The following PAPPA2 variants were observed in gnomAD, a reference collection of about 807,000 sequenced individuals.
PAPPA2 encodes the protein pappalysin-2.
In PAPPA2, 86 loss-of-function variants were observed where a neutral mutation model predicts 176.4. That is an observed-to-expected ratio of 0.49 (90% confidence interval 0.41 to 0.58). The LOEUF is 0.58. Ranked by LOEUF, PAPPA2 falls within the 20% of genes least tolerant of loss-of-function variation. PAPPA2 has a pLI of 0.00. For synonymous variants in PAPPA2, 809 were observed against 852.2 expected, an observed-to-expected ratio of 0.95 and a Z score of 0.88; for missense variants, 2,073 against 2,256.9, an observed-to-expected ratio of 0.92 and a Z score of 1.65.
chr1:176,830,416 G>GT (rs1440491227), intron 21 of PAPPA2, among the ~76,000 whole-genome samples: 1 of 152,136 alleles, frequency 6.6e-6, no homozygotes, highest in Non-Finnish European at 1.5e-5. Flanking sequence ...GATGCACAGG[G>GT]TTTATTGCTG....
At chr1:176,827,990 T>G (rs1666922854) in intron 21 of PAPPA2, among the ~76,000 whole-genome samples, 1 of 152,084 alleles carries the variant, frequency 6.6e-6, no homozygotes, top group Non-Finnish European at 1.5e-5. Flanking sequence ...GGTGGCTGCC[T>G]CATTCTCATA....
intron 3 of PAPPA2, among the ~76,000 whole-genome samples, chr1:176,649,652 A>G (rs1237830612): frequency 2.0e-5 from 3 of 151,328 alleles, no homozygotes; most frequent in African/African-American, 4.8e-5. Flanking sequence ...AAATTTCTTC[A>G]TTGATGTAAT....
intron 5 of PAPPA2, chr1:176,691,158 A>C: frequency 4.1e-6 from 4 of 984,364 alleles, no homozygotes; most frequent in Non-Finnish European, 4.8e-6. Flanking sequence ...GTTTCCTATA[A>C]TGGACTCAAA....
chr1:176,691,143 G>A (rs1395717795), intron 5 of PAPPA2: 1 of 984,790 alleles, frequency 1.0e-6, no homozygotes. Context: ...AAGTAATAGT[G>A]ACTGGTTTCC....
At chr1:176,474,349 C>G (rs1017648135) in intron 1 of PAPPA2, among the ~76,000 whole-genome samples, 4 of 152,160 alleles carry the variant, frequency 2.6e-5, no homozygotes, top group Non-Finnish European at 4.4e-5. Context: ...CTCAAGAGTT[C>G]CACATTGACC....
intron 21 of PAPPA2, among the ~76,000 whole-genome samples, chr1:176,803,120 C>T (rs1665752905): frequency 6.6e-6 from 1 of 152,032 alleles, no homozygotes; most frequent in African/African-American, 2.4e-5. Flanking sequence ...TGCATATGGG[C>T]AAGGAATGGC....
chr1:176,533,763 A>AT (rs1254446188), intron 1 of PAPPA2, among the ~76,000 whole-genome samples: 2 of 152,180 alleles, frequency 1.3e-5, no homozygotes, highest in Non-Finnish European at 2.9e-5. Flanking sequence ...CGATTCAGCA[A>AT]TTTTAACAAG....
At chr1:176,659,322 C>T (rs768301527) in intron 3 of PAPPA2, among the ~76,000 whole-genome samples, 16 of 151,998 alleles carry the variant, frequency 1.1e-4, no homozygotes, top group Non-Finnish European at 2.1e-4. Context: ...TCCCAGGCTC[C>T]GCTCCTAGCT....
At chr1:176,820,136 A>G (rs1032330871) in intron 21 of PAPPA2, among the ~76,000 whole-genome samples, 6 of 152,170 alleles carry the variant, frequency 3.9e-5, no homozygotes, top group Non-Finnish European at 8.8e-5. Flanking sequence ...AACTAAAAAC[A>G]AAACAAAACA....
Position 176,842,507 on chromosome 1 carries a change from G to A in PAPPA2, c.*53G>A. On this transcript the variant is annotated 3_prime_UTR_variant, in exon 23 of 23. Coordinates refer to ENST00000367662, the MANE Select transcript of PAPPA2 (RefSeq NM_020318.3). ...GCCTCAGAGGCAGTAAGAAAGAGAG[G>A]CCGACCCAGGAGGAAACAAAGGGTG... 6.7e-7 allele frequency: 1 copy of A among 1,501,368 alleles called. No homozygotes were observed. The highest frequency in any genetic ancestry group is 1.1e-5 in the South Asian group (1 of 88,004). The allele number at this position is 1,501,368 out of a possible 1,614,324, so 93.0% of individuals were successfully genotyped here.
intron 3 of PAPPA2, among the ~76,000 whole-genome samples, chr1:176,626,599 G>A (rs780147368): frequency 6.6e-6 from 1 of 152,166 alleles, no homozygotes; most frequent in Admixed American, 6.5e-5. Flanking sequence ...CATTTAAAAT[G>A]ACTGGGTTAA....
chr1:176,773,926 G>A (rs756584431), intron 17 of PAPPA2, among the ~76,000 whole-genome samples: 12 of 152,270 alleles, frequency 7.9e-5, no homozygotes, highest in Non-Finnish European at 5.9e-5. Context: ...GGATGGCACG[G>A]ATGGCATATT....
intron 1 of PAPPA2, among the ~76,000 whole-genome samples, chr1:176,527,464 G>A (rs1237787164): frequency 6.6e-6 from 1 of 152,184 alleles, no homozygotes. Flanking sequence ...TAGATAGAAT[G>A]TAAGTTCCAT....
chr1:176,697,863 A>T lies in PAPPA2; in HGVS notation c.2747-1237A>T, dbSNP rs558211509. ...TCTTGTTCACTCCTCTATCTCTAAT[A>T]CCTAGATTAGTTCTTGGTGTAAAAG... On this transcript the variant is annotated intron_variant, in intron 7 of 22. Coordinates refer to ENST00000367662, the MANE Select transcript of PAPPA2 (RefSeq NM_020318.3). Among the ~76,000 whole-genome samples, 7 of 152,232 alleles carry T rather than the reference A, an allele frequency of 4.6e-5. No homozygotes were observed. In the East Asian group the frequency reaches 1.4e-3, roughly 29 times the overall value.
chr1:176,503,067 C>T (rs1368895738), intron 1 of PAPPA2, among the ~76,000 whole-genome samples: 1 of 152,110 alleles, frequency 6.6e-6, no homozygotes, highest in African/African-American at 2.4e-5. Context: ...TGGGGTAGGT[C>T]TCACTTTTAC....
At chr1:176,748,975 A>T (rs1376793706) in intron 14 of PAPPA2, among the ~76,000 whole-genome samples, 1 of 152,240 alleles carries the variant, frequency 6.6e-6, no homozygotes, top group Admixed American at 6.5e-5. Flanking sequence ...AAAAACACAA[A>T]AATTAAAAAG....
At chr1:176,663,326 C>G in intron 3 of PAPPA2, among the ~76,000 whole-genome samples, 1 of 152,116 alleles carries the variant, frequency 6.6e-6, no homozygotes, top group East Asian at 1.9e-4. Context: ...TTCTGTTGCT[C>G]CTTTTAAGCA....
intron 17 of PAPPA2, among the ~76,000 whole-genome samples, chr1:176,783,628 C>A (rs572499059): frequency 2.0e-5 from 3 of 152,254 alleles, no homozygotes; most frequent in African/African-American, 7.2e-5. Context: ...TAAATACAAA[C>A]CTTCCCCTAA....
At chr1:176,559,074 C>G (rs1165757125) in intron 2 of PAPPA2, among the ~76,000 whole-genome samples, 1 of 152,258 alleles carries the variant, frequency 6.6e-6, no homozygotes, top group South Asian at 2.1e-4. Context: ...CCCCCATCCC[C>G]ACCCCAGGAC....
Sources: gnomAD v4.1 joint callset for allele counts (sites outside exome capture counted in the v4.1 genomes callset) on GRCh38, gnomAD v4.1.1 for gene constraint, MANE v1.5 for transcripts, NCBI Gene and HGNC (gene_info 2026-07-23, HGNC 2026-07-21) for gene names.